KIF20B: variants seen among roughly 807,000 people sequenced by gnomAD.
KIF20B encodes kinesin family member 20B, also known as kinesin-like protein KIF20B.
A neutral mutation model predicts 232.5 loss-of-function variants in KIF20B; 188 were observed. The observed-to-expected ratio is 0.81, with a 90% CI of 0.72 to 0.91. KIF20B has a LOEUF of 0.91. Ranked by LOEUF, KIF20B falls within the 40% of genes least tolerant of loss-of-function variation. The pLI is 0.00. For synonymous variants in KIF20B, 712 were observed against 683.0 expected (o/e 1.04, Z -0.66); for missense variants, 2,154 against 2,055.9 (o/e 1.05, Z -0.92).
At chr10:89,772,607 A>G in intron 31 of KIF20B, 82 bp from the exon 32 acceptor site, 1 of 862,900 alleles carries the variant, frequency 1.2e-6, no homozygotes, top group Non-Finnish European at 1.7e-6. Context: ...TAAGGATTTC[A>G]AACCATCTTT....
chr10:89,749,097 A>G lies in KIF20B; in HGVS notation c.4097-2249A>G, dbSNP rs185747517. ...TCTCTTGTCTCAGCTTTTATGATCT[A>G]TTCTGTACTAGTTACCACTTTTCTC... On this transcript the variant is annotated intron_variant, in intron 23 of 32. Transcript: ENST00000371728. Among the ~76,000 whole-genome samples the G allele has an allele frequency of 3.4e-3, 521 of 152,256 alleles. 5 individuals carry two copies. Among genetic ancestry groups the G allele is most frequent in the Non-Finnish European group, 6.2e-3 (425 of 68,006 alleles).
intron 16 of KIF20B, among the ~76,000 whole-genome samples, chr10:89,727,123 A>G (rs1001743017): frequency 1.3e-5 from 2 of 151,964 alleles, no homozygotes; most frequent in African/African-American, 2.4e-5. Context: ...CTTGTTCTAT[A>G]TTCTTTATAA....
intron 7 of KIF20B, among the ~76,000 whole-genome samples, chr10:89,714,501 T>G (rs186348015): frequency 7.9e-5 from 12 of 152,152 alleles, no homozygotes; most frequent in Admixed American, 7.9e-4. Context: ...ACCTTGTATT[T>G]ATTTATTTTT....
In KIF20B at chr10:89,719,539, A is replaced by ATTTTTTC. The variant is rs761631255; in HGVS notation, c.1555_1556insTTTTTTC (p.Thr519IlefsTer9). On this transcript the variant is annotated frameshift_variant, in exon 13 of 33. Coordinates refer to ENST00000371728, the MANE Select transcript of KIF20B (RefSeq NM_001284259.2). LOFTEE classifies it high-confidence loss of function. ...TAAAATATTAAATGTAAAAAGAGCC[A>ATTTTTTC]CCATTTCATGGGAAAATAGTCTAGA... The ATTTTTTC allele has an allele frequency of 7.4e-6, 12 of 1,613,098 alleles. No homozygotes were observed. In the East Asian group the frequency reaches 2.5e-4, roughly 33 times the overall value.
rs1048057 is a variant in KIF20B, at chr10:89,711,077, A to T, written c.607A>T (p.Arg203Trp). 6.2e-7 allele frequency: 1 copy of T among 1,601,748 alleles called. No homozygotes were observed. Among genetic ancestry groups the T allele is most frequent in the Admixed American group, 1.7e-5 (1 of 58,466 alleles). ...ACCACATAGATCCAGAGAATACTTA[A>T]GGTTATCATCAGAACAAGAGAAAGA... Reference protein sequence around the residue: ...LKPHRSREYLRLSSEQEKEEI... With the variant: ...LKPHRSREYLWLSSEQEKEEI... Residue 203 changes from arginine (R) to tryptophan (W), a missense_variant, in exon 6 of 33, where the codon AGG becomes TGG. Physicochemically the swap from Arg to Trp is moderately radical, Grantham distance 101 (BLOSUM62 -3). Transcript: ENST00000371728.
intron 26 of KIF20B, among the ~76,000 whole-genome samples, chr10:89,754,914 A>G (rs1334083596): frequency 6.6e-6 from 1 of 152,244 alleles, no homozygotes; most frequent in Admixed American, 6.5e-5. Context: ...CTGTCTAGAT[A>G]CTGAAGTAAA....
chr10:89,760,688 C>G (rs1244273060), intron 28 of KIF20B, 52 bp downstream of exon 28: 1 of 1,044,202 alleles, frequency 9.6e-7, no homozygotes, highest in Non-Finnish European at 1.5e-6. Context: ...TCCACTATTA[C>G]TAAATAACAC....
chr10:89,717,258 G>A (rs1476005610), intron 9 of KIF20B, among the ~76,000 whole-genome samples, 166 bp from the exon 10 acceptor site: 1 of 152,204 alleles, frequency 6.6e-6, no homozygotes, highest in East Asian at 1.9e-4. Flanking sequence ...GGGTATGTAA[G>A]TGACAGTAGA....
At chr10:89,731,204 G>A (rs192720695) in intron 18 of KIF20B, among the ~76,000 whole-genome samples, 279 of 152,156 alleles carry the variant, frequency 1.8e-3, no homozygotes, top group Middle Eastern at 3.4e-3. Context: ...CATTTCTGGT[G>A]ACTACAACTT....
intron 20 of KIF20B, 103 bp downstream of exon 20, chr10:89,738,720 A>T: frequency 7.4e-7 from 1 of 1,358,202 alleles, no homozygotes; most frequent in South Asian, 1.6e-5. Context: ...GGTAAAGCGT[A>T]GCATGTATGA....
rs777360606 is a variant in KIF20B at position 89,760,533 on chromosome 10, A to C, written c.4688A>C (p.Gln1563Pro). 2.5e-6 allele frequency: 4 copies of C among 1,608,186 alleles called. No homozygotes were observed. The highest frequency in any genetic ancestry group is 3.4e-6 in the Non-Finnish European group (4 of 1,175,010). Residue 1563 changes from glutamine (Q) to proline (P), a missense_variant, in exon 28 of 33, where the codon CAA becomes CCA. Coordinates refer to ENST00000371728, the MANE Select transcript of KIF20B (RefSeq NM_001284259.2). Reference protein sequence around the residue: ...IISETSKIETQIMDIKPKRIS... With the variant: ...IISETSKIETPIMDIKPKRIS... Reference sequence around the variant, plus strand: ...AATATTTCCTTACTTTAGGAAACACAAATCATGGATATCAAGCCCAAACGT... The same window carrying C: ...AATATTTCCTTACTTTAGGAAACACCAATCATGGATATCAAGCCCAAACGT...
intron 31 of KIF20B, among the ~76,000 whole-genome samples, chr10:89,771,111 A>G (rs1367390501): frequency 2.0e-5 from 3 of 151,890 alleles, no homozygotes; most frequent in Admixed American, 6.6e-5. Context: ...CTTTTGTCTT[A>G]GCTGGCCCCT....
At chr10:89,721,586 C>G (rs1843058125) in intron 13 of KIF20B, among the ~76,000 whole-genome samples, 1 of 152,088 alleles carries the variant, frequency 6.6e-6, no homozygotes, top group Non-Finnish European at 1.5e-5. Flanking sequence ...GGGAAGATTG[C>G]TTGAGCCCAG....
At position 89,705,403 on chromosome 10, in the gene KIF20B, C is replaced by G; in HGVS notation, c.109C>G (p.Leu37Val). The G allele has an allele frequency of 1.2e-6, 2 of 1,614,042 alleles. No homozygotes were observed. The highest frequency in any genetic ancestry group is 1.7e-6 in the Non-Finnish European group (2 of 1,179,952). Residue 37 changes from leucine (L) to valine (V), a missense_variant, in exon 2 of 33, where the codon CTG becomes GTG. Physicochemically the swap from Leu to Val is conservative, Grantham distance 32. Coordinates refer to ENST00000371728, the MANE Select transcript of KIF20B (RefSeq NM_001284259.2). ...EINFDGIKLD[L>V]SHEFSLVAPN... Reference sequence around the variant, plus strand: ...AAATTTCGATGGCATTAAGCTTGATCTGTCTCATGAATTTTCCTTAGTTGC... The same window carrying G: ...AAATTTCGATGGCATTAAGCTTGATGTGTCTCATGAATTTTCCTTAGTTGC...
At chr10:89,754,782 A>T (rs1842088609) in intron 26 of KIF20B, 109 bp downstream of exon 26, 1 of 769,382 alleles carries the variant, frequency 1.3e-6, no homozygotes, top group Non-Finnish European at 1.9e-6. Context: ...GGTTTTTTAA[A>T]GGCAGGTTGT....
At chr10:89,711,450 A>T (rs1266991299) in intron 6 of KIF20B, among the ~76,000 whole-genome samples, 1 of 152,162 alleles carries the variant, frequency 6.6e-6, no homozygotes, top group Non-Finnish European at 1.5e-5. Context: ...TTGTGAAAGT[A>T]ATATGTACCC....
chr10:89,767,332 GC>G (rs1178168839), intron 29 of KIF20B, among the ~76,000 whole-genome samples: 1 of 123,142 alleles, frequency 8.1e-6, no homozygotes, highest in East Asian at 2.3e-4. Context: ...CCCTCCCCTA[GC>G]CCCCCACCCC....
chr10:89,763,637 A>G (rs2133169782), intron 29 of KIF20B, among the ~76,000 whole-genome samples: 1 of 152,194 alleles, frequency 6.6e-6, no homozygotes, highest in Non-Finnish European at 1.5e-5. Context: ...GCTAAAAGCT[A>G]TTAACCTCTT....
intron 29 of KIF20B, among the ~76,000 whole-genome samples, chr10:89,767,553 C>T (rs1842388738): frequency 1.3e-5 from 2 of 151,988 alleles, no homozygotes; most frequent in South Asian, 4.1e-4. Flanking sequence ...CTCTGCTTCT[C>T]TTCTTGCCCC....
Sources: gnomAD v4.1 joint callset for allele counts (sites outside exome capture counted in the v4.1 genomes callset) on GRCh38, gnomAD v4.1.1 for gene constraint, MANE v1.5 for transcripts, NCBI Gene and HGNC (gene_info 2026-07-23, HGNC 2026-07-21) for gene names.